The following SLC4A4 variants were observed in gnomAD, a reference collection of about 807,000 sequenced individuals.
SLC4A4 encodes electrogenic sodium bicarbonate cotransporter 1.
In SLC4A4, 27 loss-of-function variants were observed where a neutral mutation model predicts 111.5. That is an observed-to-expected ratio of 0.24 (90% confidence interval 0.18 to 0.33). The LOEUF (loss-of-function observed/expected upper bound fraction) is 0.33. SLC4A4 is among the 10% of genes least tolerant of loss of function. The probability of loss-of-function intolerance (pLI) is 1.00; values close to 1 mark genes in which losing one functional copy is unlikely to be tolerated. For missense variants in SLC4A4, 909 were observed against 1,315.5 expected (o/e 0.69, Z 4.78); for synonymous variants, 443 against 463.4 (o/e 0.96, Z 0.57).
At position 71,546,524 on chromosome 4, in the gene SLC4A4, G is replaced by C. The variant is rs1472151671; in HGVS notation, c.2617G>C (p.Val873Leu). The change falls in exon 19 of 26, where the codon GTG (valine) becomes CTG (leucine). Residue 873 changes from valine to leucine, a missense_variant. Transcript: ENST00000264485. ...TGGAGAACAACCAAAGTTTCTAGGA[G>C]TGAGGTGTGTTAACTCAGAGGAAAA... is the stretch of plus-strand genomic sequence containing the variant. ...APGEQPKFLG[V>L]REQRVTGTLV... 6.2e-7 allele frequency: 1 copy of C among 1,611,956 alleles called. No individual in the cohort carries two copies. The highest frequency in any genetic ancestry group is 1.3e-5 in the African/African-American group (1 of 74,948).
chr4:71,490,352 C>T (rs1380678161), intron 15 of SLC4A4, among the ~76,000 whole-genome samples: 2 of 151,698 alleles, frequency 1.3e-5, no homozygotes, highest in Non-Finnish European at 2.9e-5. Flanking sequence ...TAAATTGAGG[C>T]ATACCTTAAA....
chr4:71,178,883 C>T (rs1745188168), intron 2 of SLC4A4, among the ~76,000 whole-genome samples: 1 of 152,278 alleles, frequency 6.6e-6, no homozygotes, highest in East Asian at 1.9e-4. Context: ...ATACCAAAGC[C>T]TGGCAGAGAC....
chr4:71,296,159 A>G lies in SLC4A4; in HGVS notation c.253+40760A>G, dbSNP rs557831930. 1.8e-4 allele frequency among the ~76,000 whole-genome samples: 28 copies of G among 151,906 alleles called. 1 individual carries two copies. The highest frequency in any genetic ancestry group is 4.1e-4 in the Non-Finnish European group (28 of 67,968). On this transcript the variant is annotated intron_variant, in intron 3 of 25. Transcript: ENST00000264485. Reference sequence around the variant, plus strand: ...TTATACCTTATACAAATAAAATATGACTGTGTTTTTATTTTCATAGTATAA... The same window carrying G: ...TTATACCTTATACAAATAAAATATGGCTGTGTTTTTATTTTCATAGTATAA...
chr4:71,499,925 T>C (rs959894627), intron 16 of SLC4A4, among the ~76,000 whole-genome samples: 2 of 152,214 alleles, frequency 1.3e-5, no homozygotes, highest in Admixed American at 1.3e-4. Context: ...TGATTTCATT[T>C]CTTTTGGATA....
chr4:71,553,847 C>A (rs1354186587), intron 20 of SLC4A4, among the ~76,000 whole-genome samples: 1 of 151,896 alleles, frequency 6.6e-6, no homozygotes, highest in Non-Finnish European at 1.5e-5. Flanking sequence ...CCAGCAGGAA[C>A]ATCATCCCTC....
At chr4:71,230,044 A>G (rs1290162270) in intron 1 of SLC4A4, among the ~76,000 whole-genome samples, 1 of 149,704 alleles carries the variant, frequency 6.7e-6, no homozygotes, top group African/African-American at 2.4e-5. Flanking sequence ...CAACAAAAGC[A>G]CCAATAAAAT....
intron 6 of SLC4A4, among the ~76,000 whole-genome samples, chr4:71,380,179 A>G (rs1442629405): frequency 1.3e-5 from 2 of 152,142 alleles, no homozygotes; most frequent in African/African-American, 4.8e-5. Flanking sequence ...TGAGAATTAG[A>G]TTCTTTGGTT....
At chr4:71,178,028 C>T (rs1432298226) in intron 2 of SLC4A4, among the ~76,000 whole-genome samples, 4 of 152,164 alleles carry the variant, frequency 2.6e-5, no homozygotes, top group African/African-American at 9.7e-5. Flanking sequence ...AAGAAACTCA[C>T]TCAAAACCGC....
chr4:71,200,935 G>A (rs1746221880), intron 1 of SLC4A4, among the ~76,000 whole-genome samples: 1 of 152,150 alleles, frequency 6.6e-6, no homozygotes. Context: ...AGACCTCTTG[G>A]CTCAATAGGC....
At chr4:71,124,830 G>A (rs778513088) in intron 2 of SLC4A4, among the ~76,000 whole-genome samples, 2 of 152,182 alleles carry the variant, frequency 1.3e-5, no homozygotes, top group African/African-American at 4.8e-5. Flanking sequence ...CATTGGCCTA[G>A]GCAAGAATGT....
chr4:71,497,115 G>A (rs889727539), intron 15 of SLC4A4, among the ~76,000 whole-genome samples: 5 of 152,084 alleles, frequency 3.3e-5, no homozygotes, highest in African/African-American at 1.2e-4. Context: ...CCTTACAAAG[G>A]TAAGTACTTT....
chr4:71,286,062 C>A (rs1028652616), intron 3 of SLC4A4, among the ~76,000 whole-genome samples: 2 of 152,046 alleles, frequency 1.3e-5, no homozygotes, highest in African/African-American at 4.8e-5. Flanking sequence ...CACAGTGAAA[C>A]CCCGTCTCTA....
At chr4:71,087,130 T>G (rs1742201807) in intron 1 of SLC4A4, among the ~76,000 whole-genome samples, 1 of 152,198 alleles carries the variant, frequency 6.6e-6, no homozygotes, top group South Asian at 2.1e-4. Flanking sequence ...TGGTTTAGTC[T>G]TGGGAGGGTG....
At chr4:71,266,363 G>C (rs564422447) in intron 3 of SLC4A4, among the ~76,000 whole-genome samples, 1 of 152,306 alleles carries the variant, frequency 6.6e-6, no homozygotes, top group African/African-American at 2.4e-5. Context: ...GTTCATAAAA[G>C]AGTGGCTTGC....
intron 18 of SLC4A4, among the ~76,000 whole-genome samples, chr4:71,535,685 A>C (rs894256978): frequency 6.6e-6 from 1 of 152,142 alleles, no homozygotes; most frequent in African/African-American, 2.4e-5. Context: ...GAAGAACATC[A>C]TGGGAAAGTT....
intron 6 of SLC4A4, among the ~76,000 whole-genome samples, chr4:71,376,659 A>C (rs1262562688): frequency 1.3e-5 from 2 of 151,056 alleles, no homozygotes; most frequent in East Asian, 1.9e-4. Flanking sequence ...TTTGAGTTGG[A>C]GTCTCACTTA....
intron 1 of SLC4A4, among the ~76,000 whole-genome samples, chr4:71,091,750 C>T (rs977544834): frequency 9.2e-5 from 14 of 152,112 alleles, no homozygotes; most frequent in Admixed American, 6.5e-5. Context: ...CTACATGTCC[C>T]TATTAGGATC....
intron 8 of SLC4A4, among the ~76,000 whole-genome samples, chr4:71,440,986 T>C (rs542031886): frequency 5.9e-5 from 9 of 152,330 alleles, no homozygotes; most frequent in African/African-American, 2.2e-4. Context: ...TTGGGCAGTG[T>C]ACTAGGTTCT....
At chr4:71,111,524 G>GTTTT (rs150777420) in intron 2 of SLC4A4, among the ~76,000 whole-genome samples, 42 of 60,818 alleles carry the variant, frequency 6.9e-4, no homozygotes, top group Admixed American at 1.1e-3. Context: ...CCACGCTCAG[G>GTTTT]TTTTTTTTTT....
Sources: gnomAD v4.1 joint callset for allele counts (sites outside exome capture counted in the v4.1 genomes callset) on GRCh38, gnomAD v4.1.1 for gene constraint, MANE v1.5 for transcripts, NCBI Gene and HGNC (gene_info 2026-07-23, HGNC 2026-07-21) for gene names.